PRTFDC1: variants seen among roughly 807,000 people sequenced by gnomAD.
The protein encoded by PRTFDC1 is phosphoribosyltransferase domain-containing protein 1.
In PRTFDC1, 38 loss-of-function variants were observed where a neutral mutation model predicts 34.6. The observed-to-expected ratio is 1.10, with a 90% CI of 0.85 to 1.44. PRTFDC1 has a LOEUF of 1.44. Ranked by LOEUF, PRTFDC1 falls within the 40% of genes most tolerant of loss-of-function variation. PRTFDC1 has a pLI of 0.00. For synonymous variants in PRTFDC1, 93 were observed against 98.1 expected (o/e 0.95, Z 0.31); for missense variants, 270 against 283.0 (o/e 0.95, Z 0.33).
intron 3 of PRTFDC1, among the ~76,000 whole-genome samples, chr10:24,929,929 T>C (rs1388535723): frequency 6.6e-6 from 1 of 152,140 alleles, no homozygotes; most frequent in East Asian, 1.9e-4. Context: ...TAAATCTGAT[T>C]GCAGTCCTAG....
chr10:24,937,378 G>C lies in PRTFDC1; in HGVS notation c.156-11C>G. 6.2e-7 allele frequency: 1 copy of C among 1,600,830 alleles called. No individual in the cohort carries two copies. The highest frequency in any genetic ancestry group is 8.5e-7 in the Non-Finnish European group (1 of 1,174,244). The stretch of plus-strand genomic sequence containing the variant: ...GCCAGCCGCTCAATTCTGAAAGAAG[G>C]ATAAAAGATATATTAAGGCACAACT... On this transcript the variant is annotated splice_polypyrimidine_tract_variant and intron_variant, in intron 2 of 8. Coordinates refer to ENST00000320152, the MANE Select transcript of PRTFDC1 (RefSeq NM_020200.7).
At chr10:24,866,793 A>ATT (rs71833866) in intron 4 of PRTFDC1, among the ~76,000 whole-genome samples, 3,770 of 25,286 alleles carry the variant, frequency 0.15, 144 homozygotes, top group African/African-American at 0.28. Flanking sequence ...AAAGAAAGAA[A>ATT]GAGAGAGAGA....
chr10:24,898,424 A>C (rs1848401971), intron 3 of PRTFDC1, among the ~76,000 whole-genome samples: 1 of 145,336 alleles, frequency 6.9e-6, no homozygotes, highest in Admixed American at 7.2e-5. Context: ...TGATTGTGCC[A>C]CTGTACTCCG....
chr10:24,890,351 C>T (rs1848239345), intron 3 of PRTFDC1, among the ~76,000 whole-genome samples: 1 of 152,212 alleles, frequency 6.6e-6, no homozygotes, highest in African/African-American at 2.4e-5. Context: ...AACAGCTCTT[C>T]AATGAGACAT....
intron 2 of PRTFDC1, among the ~76,000 whole-genome samples, chr10:24,939,650 C>A (rs1849118440): frequency 6.6e-6 from 1 of 151,440 alleles, no homozygotes; most frequent in South Asian, 2.1e-4. Context: ...AAAAATTAGC[C>A]AGGTGTGGTG....
chr10:24,912,403 T>C (rs1055939817), intron 3 of PRTFDC1, among the ~76,000 whole-genome samples: 80 of 147,802 alleles, frequency 5.4e-4, no homozygotes, highest in African/African-American at 1.7e-3. Context: ...AACCAACAAC[T>C]GTTCCTATCT....
At chr10:24,883,819 T>A (rs1306648366) in intron 3 of PRTFDC1, among the ~76,000 whole-genome samples, 4 of 6,028 alleles carry the variant, frequency 6.6e-4, no homozygotes, top group Admixed American at 2.9e-3. Context: ...TTAAGAGACC[T>A]TTTTTTTTTT....
Position 24,952,524 on chromosome 10 carries a change from T to G in PRTFDC1, c.48+4A>C. 1.3e-6 allele frequency: 2 copies of G among 1,585,398 alleles called. No homozygotes were observed. The highest frequency in any genetic ancestry group is 1.7e-6 in the Non-Finnish European group (2 of 1,165,336). ...GAGCCCCAAAATAGGGAGTTTGCATTTACCACGACGCCTCGCCCGTAGTCT... is the reference window on the plus strand; with the variant it reads ...GAGCCCCAAAATAGGGAGTTTGCATGTACCACGACGCCTCGCCCGTAGTCT... On this transcript the variant is annotated splice_donor_region_variant and intron_variant, in intron 1 of 8. Transcript: ENST00000320152. This position sits in a 1 kb window ranked among gnomAD's most constrained non-coding sequence, Gnocchi z 5.1.
chr10:24,877,781 G>A (rs1302887270), intron 3 of PRTFDC1, among the ~76,000 whole-genome samples: 1 of 151,940 alleles, frequency 6.6e-6, no homozygotes, highest in Non-Finnish European at 1.5e-5. Context: ...CCACCATGAC[G>A]GGCTAATTTT....
chr10:24,887,819 C>G (rs182985977), intron 3 of PRTFDC1, among the ~76,000 whole-genome samples: 64 of 152,320 alleles, frequency 4.2e-4, no homozygotes, highest in African/African-American at 1.5e-3. Flanking sequence ...AACCCACTTC[C>G]TTTGCATGTA....
intron 1 of PRTFDC1, among the ~76,000 whole-genome samples, chr10:24,951,223 C>A (rs1268032527): frequency 6.6e-6 from 1 of 152,028 alleles, no homozygotes; most frequent in Non-Finnish European, 1.5e-5. Flanking sequence ...AAGCATCACT[C>A]CCCCCTTCTC....
chr10:24,907,235 G>T (rs534018736), intron 3 of PRTFDC1, among the ~76,000 whole-genome samples: 1 of 152,114 alleles, frequency 6.6e-6, no homozygotes, highest in East Asian at 1.9e-4. Context: ...AAGTAAAAAT[G>T]GAAAATTACT....
At chr10:24,874,989 T>C (rs1328989649) in intron 3 of PRTFDC1, among the ~76,000 whole-genome samples, 1 of 152,186 alleles carries the variant, frequency 6.6e-6, no homozygotes, top group East Asian at 1.9e-4. Context: ...CTTCCTGCCA[T>C]CATGTGAAGA....
At chr10:24,872,269 G>C (rs979980490) in intron 3 of PRTFDC1, among the ~76,000 whole-genome samples, 2 of 152,124 alleles carry the variant, frequency 1.3e-5, no homozygotes, top group Non-Finnish European at 2.9e-5. Flanking sequence ...TGGCTGGCAG[G>C]GAGAGGCTGG....
intron 3 of PRTFDC1, among the ~76,000 whole-genome samples, chr10:24,926,372 G>C (rs1368349846): frequency 6.6e-6 from 1 of 152,212 alleles, no homozygotes; most frequent in Non-Finnish European, 1.5e-5. Context: ...TCTGAAGGCT[G>C]TGATCTTTCA....
intron 3 of PRTFDC1, among the ~76,000 whole-genome samples, chr10:24,912,480 C>T (rs1236369111): frequency 6.6e-6 from 1 of 151,458 alleles, no homozygotes; most frequent in Non-Finnish European, 1.5e-5. Context: ...TTTGTATTTC[C>T]CTGATGACTA....
intron 8 of PRTFDC1, 80 bp from the exon 9 acceptor site, chr10:24,849,971 A>C (rs1413814709): frequency 2.3e-6 from 3 of 1,312,538 alleles, no homozygotes; most frequent in Non-Finnish European, 3.3e-6. Flanking sequence ...TAATAACCGA[A>C]TGCCATCCTG....
chr10:24,859,480 A>G (rs1361549419), intron 4 of PRTFDC1, among the ~76,000 whole-genome samples: 1 of 152,074 alleles, frequency 6.6e-6, no homozygotes, highest in Non-Finnish European at 1.5e-5. Flanking sequence ...GGCTGAGCTC[A>G]AGTGATCTGC....
chr10:24,937,417 T>G, intron 2 of PRTFDC1, 50 bp from the exon 3 acceptor site: 1 of 1,496,086 alleles, frequency 6.7e-7, no homozygotes, highest in Non-Finnish European at 9.1e-7. Context: ...TCTGAGTATT[T>G]ATGTTGCTTT....
Sources: allele counts gnomAD v4.1 joint callset (sites outside exome capture counted in the v4.1 genomes callset), GRCh38; gene constraint gnomAD v4.1.1; non-coding constraint Gnocchi (gnomAD v3.1); transcripts MANE v1.5; gene names NCBI Gene and HGNC (gene_info 2026-07-23, HGNC 2026-07-21).